Variants in CHPT1 observed in about 807,000 individuals in gnomAD.
CHPT1 encodes the protein choline phosphotransferase 1, also known as cholinephosphotransferase 1.
CHPT1 carries 36 observed loss-of-function variants against 47.6 expected under a neutral mutation model. The observed-to-expected ratio is 0.76, with a 90% CI of 0.58 to 1.00. CHPT1 has a LOEUF of 1.00. Ranked by LOEUF, CHPT1 falls within the 50% of genes least tolerant of loss-of-function variation. The probability of loss-of-function intolerance (pLI) is 0.00; values close to 1 mark genes in which losing one functional copy is unlikely to be tolerated. For synonymous variants in CHPT1, 194 were observed against 186.3 expected (o/e 1.04, Z -0.33); for missense variants, 458 against 498.1 (o/e 0.92, Z 0.77).
intron 1 of CHPT1, among the ~76,000 whole-genome samples, chr12:101,706,452 C>T (rs574574452): frequency 1.3e-5 from 2 of 152,124 alleles, no homozygotes; most frequent in Admixed American, 6.5e-5. Flanking sequence ...GACATCACAT[C>T]GATCTAGAGC....
intron 7 of CHPT1, among the ~76,000 whole-genome samples, chr12:101,725,071 A>G (rs903637544): frequency 3.9e-5 from 6 of 152,186 alleles, no homozygotes; most frequent in Non-Finnish European, 7.4e-5. Context: ...TGATAATTCA[A>G]ATAATCTCAC....
At chr12:101,706,569 A>G (rs575459736) in intron 1 of CHPT1, among the ~76,000 whole-genome samples, 21 of 152,212 alleles carry the variant, frequency 1.4e-4, no homozygotes, top group Non-Finnish European at 2.9e-4. Context: ...AAATTTGTCC[A>G]GTGAGTTCAG....
chr12:101,702,071 T>C (rs1460335177), intron 1 of CHPT1, among the ~76,000 whole-genome samples: 1 of 152,108 alleles, frequency 6.6e-6, no homozygotes, highest in African/African-American at 2.4e-5. Context: ...AATCTTAAAA[T>C]AGAATCACAG....
In CHPT1 at chr12:101,712,080, T is replaced by C. The variant is rs552637403; in HGVS notation, c.274-2010T>C. ...CTCTGTCACCCAGGCTGGAGTACAG[T>C]GGCACTCACTGCTCACTGCACCCTC... On this transcript the variant is annotated intron_variant, in intron 1 of 8. Transcript: ENST00000229266. Among the ~76,000 whole-genome samples, 41 of 148,752 alleles carry C rather than the reference T, an allele frequency of 2.8e-4. No individual in the cohort carries two copies. The South Asian group carries it at 7.9e-3, about 29-fold the overall frequency.
chr12:101,703,691 C>T lies in CHPT1; in HGVS notation c.273+5557C>T, dbSNP rs184450099. ...AGGCCTCAGGTGGGAACCCTCCCTC[C>T]GTAAACAAAGAAGCACCCTCCCCAT... is the stretch of plus-strand genomic sequence containing the variant. On this transcript the variant is annotated intron_variant, in intron 1 of 8. Coordinates refer to ENST00000229266, the MANE Select transcript of CHPT1 (RefSeq NM_020244.3). Among the ~76,000 whole-genome samples, 334 of 152,166 alleles carry T rather than the reference C, an allele frequency of 2.2e-3. 2 individuals carry two copies. Among genetic ancestry groups the T allele is most frequent in the African/African-American group, 7.2e-3 (300 of 41,528 alleles).
chr12:101,702,532 A>G (rs1204626292), intron 1 of CHPT1, among the ~76,000 whole-genome samples: 2 of 152,202 alleles, frequency 1.3e-5, no homozygotes, highest in Non-Finnish European at 2.9e-5. Context: ...AGAATAAACC[A>G]TTTCTTAAGG....
Position 101,710,278 on chromosome 12 carries a change from G to T in CHPT1, c.274-3812G>T, listed in dbSNP as rs554746308. 4.7e-5 allele frequency among the ~76,000 whole-genome samples: 7 copies of T among 148,946 alleles called. 1 individual carries two copies. Among genetic ancestry groups the T allele is most frequent in the African/African-American group, 7.3e-5 (3 of 41,122 alleles). On this transcript the variant is annotated intron_variant, in intron 1 of 8. Transcript: ENST00000229266. ...GGAGGATCACTTGGGCCTGGGAGGC[G>T]GATGTTGCAGTGAGCCAAGATCCTT...
At position 101,725,535 on chromosome 12, in the gene CHPT1, G is replaced by A. The variant is rs146585856; in HGVS notation, c.1066-759G>A. Among the ~76,000 whole-genome samples, 17 of 151,816 alleles carry A rather than the reference G, an allele frequency of 1.1e-4. No homozygotes were observed. In the East Asian group the frequency reaches 3.1e-3, roughly 28 times the overall value. ...AAAAAAATCAATCATCTGTCGTAAC[G>A]AGTAATTGGCCTGGTTTACACCTGT... On this transcript the variant is annotated intron_variant, in intron 7 of 8. Transcript: ENST00000229266.
chr12:101,723,593 A>G, intron 6 of CHPT1, 129 bp from the exon 7 acceptor site: 1 of 668,870 alleles, frequency 1.5e-6, no homozygotes, highest in Non-Finnish European at 2.4e-6. Flanking sequence ...GAAGGTGTAG[A>G]AAAGTATTCT....
chr12:101,719,531 A>G (rs1436410386), intron 4 of CHPT1: 3 of 1,280,092 alleles, frequency 2.3e-6, no homozygotes, highest in East Asian at 1.1e-4. Flanking sequence ...ATATATTGCT[A>G]GAGATTTAAT....
At chr12:101,701,245 C>A (rs1252563580) in intron 1 of CHPT1, among the ~76,000 whole-genome samples, 1 of 152,150 alleles carries the variant, frequency 6.6e-6, no homozygotes, top group Non-Finnish European at 1.5e-5. Context: ...TTTTCCCCTT[C>A]CTCTTCCTTT....
intron 1 of CHPT1, among the ~76,000 whole-genome samples, chr12:101,707,029 G>T (rs1423275077): frequency 6.6e-6 from 1 of 152,186 alleles, no homozygotes; most frequent in African/African-American, 2.4e-5. Context: ...CTATATATTT[G>T]CAAAGACTGC....
intron 7 of CHPT1, among the ~76,000 whole-genome samples, chr12:101,724,431 A>G (rs1031898672): frequency 6.6e-6 from 1 of 152,182 alleles, no homozygotes; most frequent in African/African-American, 2.4e-5. Context: ...ACCAGTACAA[A>G]GATGCCAAAA....
chr12:101,712,214 G>T (rs1951708745), intron 1 of CHPT1, among the ~76,000 whole-genome samples: 1 of 147,532 alleles, frequency 6.8e-6, no homozygotes, highest in Non-Finnish European at 1.5e-5. Context: ...TAGAGATGGG[G>T]TTCACCATGT....
chr12:101,702,661 G>A (rs548583305), intron 1 of CHPT1, among the ~76,000 whole-genome samples: 1 of 151,758 alleles, frequency 6.6e-6, no homozygotes, highest in African/African-American at 2.4e-5. Flanking sequence ...TTATAGGTTT[G>A]ATTTCTTTGA....
At chr12:101,705,225 G>A (rs1186615768) in intron 1 of CHPT1, among the ~76,000 whole-genome samples, 1 of 121,872 alleles carries the variant, frequency 8.2e-6, no homozygotes, top group Non-Finnish European at 1.6e-5. Flanking sequence ...CACCATGCCT[G>A]GCTAATTTTG....
In CHPT1 at chr12:101,728,923, G is replaced by A. The variant is rs772029488; in HGVS notation, c.1199G>A (p.Ser400Asn). The change falls in exon 9 of 9, where the codon AGT (serine) becomes AAT (asparagine). Residue 400 changes from serine (S) to asparagine (N), a missense_variant. Ser to Asn is a conservative substitution (Grantham distance 46). Coordinates refer to ENST00000229266, the MANE Select transcript of CHPT1 (RefSeq NM_020244.3). ...TAGGTTCAAGTTCTTTCTTCAAAGA[G>A]TCATCAGAATAACATGGATTGAAGA... ...PEQVQVLSSK[S>N]HQNNMD is the part of the protein sequence containing the mutation. 1.2e-5 allele frequency: 19 copies of A among 1,613,346 alleles called. No homozygotes were observed. The highest frequency in any genetic ancestry group is 1.6e-5 in the Non-Finnish European group (19 of 1,179,676).
chr12:101,723,014 G>GA (rs1317562853), intron 5 of CHPT1, among the ~76,000 whole-genome samples, 154 bp from the exon 6 acceptor site: 1 of 151,920 alleles, frequency 6.6e-6, no homozygotes. Flanking sequence ...TGAAACCTTG[G>GA]AAAGCACAAC....
chr12:101,728,645 A>C (rs2137038562), intron 8 of CHPT1: 1 of 387,126 alleles, frequency 2.6e-6, no homozygotes, highest in South Asian at 4.0e-5. Flanking sequence ...ATGAAGCCAA[A>C]CCTAAAATTA....
Sources: allele counts gnomAD v4.1 joint callset (sites outside exome capture counted in the v4.1 genomes callset), GRCh38; gene constraint gnomAD v4.1.1; transcripts MANE v1.5; gene names NCBI Gene and HGNC (gene_info 2026-07-23, HGNC 2026-07-21).